AFF3: variants seen among roughly 807,000 people sequenced by gnomAD.
AFF3 encodes the protein ALF transcription elongation factor 3.
AFF3 carries 32 observed loss-of-function variants against 129.7 expected under a neutral mutation model. The ratio of observed to expected loss-of-function variants is 0.25; its 90% CI spans 0.19 to 0.33. AFF3 has a LOEUF of 0.33. Among genes scored for constraint, AFF3 ranks in the 10% least tolerant of loss-of-function variants. The pLI is 1.00. For synonymous variants in AFF3, 644 were observed against 635.4 expected, an observed-to-expected ratio of 1.01 and a Z score of -0.20; for missense variants, 1,373 against 1,592.0, an observed-to-expected ratio of 0.86 and a Z score of 2.34.
intron 11 of AFF3, among the ~76,000 whole-genome samples, chr2:99,719,050 C>CTTTTT (rs554515502): frequency 4.6e-5 from 5 of 108,180 alleles, no homozygotes; most frequent in South Asian, 3.2e-4. Flanking sequence ...CGCGCCCGGC[C>CTTTTT]TTTTTTTTTT....
rs180812505 is a variant in AFF3 at position 99,905,982 on chromosome 2, T to C, written c.874-68458A>G. 3.7e-3 allele frequency among the ~76,000 whole-genome samples: 558 copies of C among 152,270 alleles called. 3 individuals are homozygous for C. Among genetic ancestry groups the C allele is most frequent in the African/African-American group, 0.013 (531 of 41,574 alleles). On this transcript the variant is annotated intron_variant, in intron 7 of 24. Transcript: ENST00000672756. The stretch of plus-strand genomic sequence containing the variant: ...CTTTGCTCTGCACAATAAAAGAATA[T>C]TAAATTCAGGCCTGACTAATGCATG...
rs138037889 is a variant in AFF3, at chr2:99,845,421, C to T, written c.874-7897G>A. Among the ~76,000 whole-genome samples the T allele has an allele frequency of 3.7e-4, 56 of 152,240 alleles. 1 individual carries two copies. Among genetic ancestry groups the T allele is most frequent in the African/African-American group, 1.3e-3 (55 of 41,540 alleles). ...TCAGTGTGCTGACGATGTCAAGAAC[C>T]TATTGATGGCATGAAGAGATGGGAG... is the stretch of plus-strand genomic sequence containing the variant. On this transcript the variant is annotated intron_variant, in intron 7 of 24. Coordinates refer to ENST00000672756, the MANE Select transcript of AFF3 (RefSeq NM_001386135.1).
chr2:99,576,050 T>C (rs1466821364), intron 18 of AFF3, among the ~76,000 whole-genome samples: 1 of 151,862 alleles, frequency 6.6e-6, no homozygotes, highest in African/African-American at 2.4e-5. Flanking sequence ...TTTTTTTTTT[T>C]TTTGAGACAC....
At chr2:99,617,072 G>A (rs185674914) in intron 13 of AFF3, among the ~76,000 whole-genome samples, 6 of 152,244 alleles carry the variant, frequency 3.9e-5, no homozygotes, top group East Asian at 1.9e-4. Flanking sequence ...GATGGACGTC[G>A]GATTGTTTCC....
Position 99,913,034 on chromosome 2 carries a change from C to G in AFF3, c.874-75510G>C, listed in dbSNP as rs572905843. On this transcript the variant is annotated intron_variant, in intron 7 of 24. Coordinates refer to ENST00000672756, the MANE Select transcript of AFF3 (RefSeq NM_001386135.1). ...CCATCAGAGCCTAGACTCACAAGCC[C>G]TTTACTGTGTTCTGATAACCACTGT... Among the ~76,000 whole-genome samples, 4 of 152,280 alleles carry G rather than the reference C, an allele frequency of 2.6e-5. No individual in the cohort carries two copies. In the East Asian group the frequency reaches 7.7e-4, roughly 29 times the overall value.
chr2:100,007,313 T>C lies in AFF3; in HGVS notation c.322A>G (p.Ile108Val), dbSNP rs776080999. ...GAATCTGCAACAAAATGTTCATCGA[T>C]CTTGTTCACAGGAGTCTGAGGAACC... ...PGVPQTPVNK[I>V]DEHFVADSRA... The change falls in exon 6 of 25, where the codon ATC (isoleucine) becomes GTC (valine). Residue 108 changes from isoleucine (I) to valine (V), a missense_variant. Physicochemically the swap from Ile to Val is conservative, Grantham distance 29 (BLOSUM62 3). Transcript: ENST00000672756. The C allele has an allele frequency of 3.7e-6, 6 of 1,614,112 alleles. No homozygotes were observed. The Admixed American group carries it at 1.0e-4, about 27-fold the overall frequency.
chr2:99,904,593 T>C (rs1018222972), intron 7 of AFF3, among the ~76,000 whole-genome samples: 1 of 152,168 alleles, frequency 6.6e-6, no homozygotes, highest in Non-Finnish European at 1.5e-5. Context: ...TGTACAGTTA[T>C]TTATTTAAAG....
chr2:99,966,730 A>AAGAATGAC (rs1178467113), intron 7 of AFF3, among the ~76,000 whole-genome samples: 3 of 147,302 alleles, frequency 2.0e-5, no homozygotes, highest in Admixed American at 6.7e-5. Flanking sequence ...AAAGAAAATG[A>AAGAATGAC]AGAATGACAG....
intron 11 of AFF3, among the ~76,000 whole-genome samples, chr2:99,674,944 T>C (rs1476879307): frequency 6.6e-6 from 1 of 152,204 alleles, no homozygotes; most frequent in Non-Finnish European, 1.5e-5. Context: ...AAACATGTGC[T>C]AAACGCGTCC....
intron 8 of AFF3, among the ~76,000 whole-genome samples, chr2:99,761,684 G>A (rs1194026254): frequency 2.0e-5 from 3 of 152,162 alleles, no homozygotes; most frequent in Non-Finnish European, 4.4e-5. Flanking sequence ...GCTTACAATA[G>A]GTTCAACTAG....
chr2:99,855,390 A>T (rs1416516724), intron 7 of AFF3, among the ~76,000 whole-genome samples: 1 of 152,208 alleles, frequency 6.6e-6, no homozygotes, highest in Non-Finnish European at 1.5e-5. Context: ...TGCAAAACAT[A>T]TATTTGGCAG....
chr2:99,634,962 CAT>C lies in AFF3; in HGVS notation c.1184+14662_1184+14663del, dbSNP rs951708365. 1.3e-3 allele frequency among the ~76,000 whole-genome samples: 154 copies of C among 119,568 alleles called. 2 individuals carry two copies. In the South Asian group the frequency reaches 0.042, roughly 33 times the overall value. 78.4% of individuals were successfully genotyped at this position (119,568 alleles called of 152,430 possible). On this transcript the variant is annotated intron_variant, in intron 13 of 24. Coordinates refer to ENST00000672756, the MANE Select transcript of AFF3 (RefSeq NM_001386135.1). ...GACTTGAGGCAGAGCTGGATTCTGTCATACACACACACACACACACACACACA... is the reference window on the plus strand; with the variant it reads ...GACTTGAGGCAGAGCTGGATTCTGTCACACACACACACACACACACACACA...
At chr2:99,938,997 G>A (rs994672010) in intron 7 of AFF3, among the ~76,000 whole-genome samples, 16 of 152,080 alleles carry the variant, frequency 1.1e-4, no homozygotes, top group African/African-American at 3.4e-4. Flanking sequence ...TTCCAAATCC[G>A]AAAATCTGAA....
At chr2:99,601,908 C>T (rs1558631152) in intron 13 of AFF3, among the ~76,000 whole-genome samples, 1 of 152,212 alleles carries the variant, frequency 6.6e-6, no homozygotes, top group Non-Finnish European at 1.5e-5. Context: ...GTATAACATC[C>T]AAATGGCTGT....
intron 7 of AFF3, among the ~76,000 whole-genome samples, chr2:99,961,143 G>A (rs147809444): frequency 1.4e-3 from 220 of 152,152 alleles, no homozygotes; most frequent in African/African-American, 4.9e-3. Context: ...TCTTCCCATC[G>A]CTCTTCTCCC....
At chr2:99,911,443 T>G (rs1012373147) in intron 7 of AFF3, among the ~76,000 whole-genome samples, 1 of 151,388 alleles carries the variant, frequency 6.6e-6, no homozygotes, top group Non-Finnish European at 1.5e-5. Flanking sequence ...GGACAGGCAG[T>G]GCAAAGGATG....
At chr2:99,840,032 A>ATTTTTTTTT (rs1415280488) in intron 7 of AFF3, among the ~76,000 whole-genome samples, 2 of 152,132 alleles carry the variant, frequency 1.3e-5, no homozygotes, top group Non-Finnish European at 1.5e-5. Flanking sequence ...TTATTGTTTT[A>ATTTTTTTTT]TTATAGGAGT....
At chr2:99,711,188 CG>C (rs1677857181) in intron 11 of AFF3, among the ~76,000 whole-genome samples, 1 of 152,088 alleles carries the variant, frequency 6.6e-6, no homozygotes, top group Non-Finnish European at 1.5e-5. Flanking sequence ...ACATCTCTCC[CG>C]TTTCATGTGC....
intron 4 of AFF3, among the ~76,000 whole-genome samples, chr2:100,061,801 A>G (rs1468007943): frequency 2.6e-5 from 4 of 151,028 alleles, no homozygotes; most frequent in African/African-American, 9.7e-5. Context: ...AGGGGGAAAA[A>G]AAGAGCTGTG....
Sources: allele counts gnomAD v4.1 joint callset (sites outside exome capture counted in the v4.1 genomes callset), GRCh38; gene constraint gnomAD v4.1.1; transcripts MANE v1.5; gene names NCBI Gene and HGNC (gene_info 2026-07-23, HGNC 2026-07-21).